RNLS: variants seen among roughly 807,000 people sequenced by gnomAD.
RNLS encodes renalase, FAD dependent amine oxidase.
RNLS carries 39 observed loss-of-function variants against 39.8 expected under a neutral mutation model. The observed-to-expected ratio is 0.98, with a 90% CI of 0.76 to 1.28. RNLS has a LOEUF of 1.28. Among genes scored for constraint, RNLS ranks in the 50% most tolerant of loss-of-function variants. The pLI is 0.00. For synonymous variants in RNLS, 147 were observed against 150.7 expected, an observed-to-expected ratio of 0.98 and a Z score of 0.18; for missense variants, 410 against 413.3, an observed-to-expected ratio of 0.99 and a Z score of 0.07.
intron 4 of RNLS, among the ~76,000 whole-genome samples, chr10:88,473,785 G>A (rs1445072959): frequency 6.6e-6 from 1 of 152,070 alleles, no homozygotes; most frequent in African/African-American, 2.4e-5. Context: ...GCAATTGACA[G>A]GTCAGGGCTC....
intron 4 of RNLS, among the ~76,000 whole-genome samples, chr10:88,435,952 T>C (rs953644003): frequency 6.6e-6 from 1 of 152,128 alleles, no homozygotes; most frequent in Non-Finnish European, 1.5e-5. Context: ...AGGGTATCAA[T>C]GAGTGATCTC....
At chr10:88,553,673 T>G (rs1052891913) in intron 4 of RNLS, among the ~76,000 whole-genome samples, 5 of 152,168 alleles carry the variant, frequency 3.3e-5, no homozygotes, top group African/African-American at 1.2e-4. Context: ...TGTGTTTGAA[T>G]TTTTTCTTTT....
intron 4 of RNLS, among the ~76,000 whole-genome samples, chr10:88,484,601 A>T (rs1844383608): frequency 6.6e-6 from 1 of 152,018 alleles, no homozygotes; most frequent in African/African-American, 2.4e-5. Flanking sequence ...TTATAATGAG[A>T]AGAGTAAGTG....
the RNLS span, among the ~76,000 whole-genome samples, chr10:88,246,639 T>C: frequency 1.3e-5 from 2 of 152,118 alleles, no homozygotes; most frequent in African/African-American, 4.8e-5. Context: ...TCCTTCCCGT[T>C]CCTTTCCCTT....
intron 5 of RNLS, among the ~76,000 whole-genome samples, chr10:88,351,896 G>A (rs1407822097): frequency 6.6e-6 from 1 of 152,142 alleles, no homozygotes; most frequent in Non-Finnish European, 1.5e-5. Flanking sequence ...GTGGTTTGTA[G>A]TTCTCCTTGA....
At position 88,284,468 on chromosome 10, in the gene RNLS, C is replaced by T; in HGVS notation, c.*886G>A. ...GAAGCATGTGGGTGATATGCTGAAC[C>T]ACCAACTTGGCAAATATTGAACTAT... On this transcript the variant is annotated 3_prime_UTR_variant, in exon 7 of 7. Transcript: ENST00000331772. The T allele has an allele frequency of 2.0e-6, 2 of 985,316 alleles. No individual in the cohort carries two copies. Among genetic ancestry groups the T allele is most frequent in the Non-Finnish European group, 2.4e-6 (2 of 829,890 alleles). The allele number at this position is 985,316 out of a possible 1,614,324, so 61.0% of individuals were successfully genotyped here. A position where few individuals can be genotyped will look rare whatever the true frequency, so the allele number is the denominator to read the frequency against.
At chr10:88,329,317 T>C (rs1410538864) in intron 5 of RNLS, among the ~76,000 whole-genome samples, 2 of 152,154 alleles carry the variant, frequency 1.3e-5, no homozygotes, top group African/African-American at 4.8e-5. Flanking sequence ...CTTCCCAAAG[T>C]GCTGGGATGT....
At chr10:88,292,591 A>AAAAAAAC (rs1554851480) in intron 6 of RNLS, among the ~76,000 whole-genome samples, 1 of 149,106 alleles carries the variant, frequency 6.7e-6, no homozygotes, top group Non-Finnish European at 1.5e-5. Context: ...AAAAAAAAAA[A>AAAAAAAC]CCTAGTTGCA....
chr10:88,234,819 A>C, the RNLS span, among the ~76,000 whole-genome samples: 2 of 152,202 alleles, frequency 1.3e-5, no homozygotes, highest in Non-Finnish European at 2.9e-5. Flanking sequence ...CAGCAAGAAA[A>C]TATATCTGCT....
At chr10:88,553,589 A>G (rs1187505035) in intron 4 of RNLS, among the ~76,000 whole-genome samples, 1 of 152,218 alleles carries the variant, frequency 6.6e-6, no homozygotes, top group African/African-American at 2.4e-5. Flanking sequence ...AGTCTCCATG[A>G]GCACACTGCT....
intron 5 of RNLS, among the ~76,000 whole-genome samples, chr10:88,360,594 G>A (rs1849567840): frequency 6.6e-6 from 1 of 152,032 alleles, no homozygotes; most frequent in Non-Finnish European, 1.5e-5. Context: ...TTGTCACCAT[G>A]CCCAGCTAGT....
intron 5 of RNLS, among the ~76,000 whole-genome samples, chr10:88,358,115 C>G (rs777560890): frequency 6.6e-6 from 1 of 152,178 alleles, no homozygotes; most frequent in East Asian, 1.9e-4. Context: ...CTTCCCACTA[C>G]GCCAATCTTA....
chr10:88,248,951 T>C, the RNLS span, among the ~76,000 whole-genome samples: 1 of 152,212 alleles, frequency 6.6e-6, no homozygotes, highest in African/African-American at 2.4e-5. Context: ...TATCTCTCCT[T>C]ATCTGTCTAG....
chr10:88,387,695 CTAG>C (rs1476886562), intron 4 of RNLS, among the ~76,000 whole-genome samples: 1 of 152,138 alleles, frequency 6.6e-6, no homozygotes, highest in Non-Finnish European at 1.5e-5. Flanking sequence ...GGTCACCCAG[CTAG>C]TAAGAAAAAT....
chr10:88,262,091 C>T, the RNLS span, among the ~76,000 whole-genome samples: 2 of 152,040 alleles, frequency 1.3e-5, no homozygotes, highest in African/African-American at 4.8e-5. Flanking sequence ...ACCTTCTGGG[C>T]AGGATTCATG....
the RNLS span, among the ~76,000 whole-genome samples, chr10:88,225,851 G>T: frequency 2.0e-5 from 3 of 151,994 alleles, no homozygotes; most frequent in Non-Finnish European, 4.4e-5. Context: ...GCATAATTTA[G>T]ACTAAAGGAT....
intron 4 of RNLS, among the ~76,000 whole-genome samples, chr10:88,465,606 A>C (rs1193627625): frequency 1.3e-5 from 2 of 152,076 alleles, no homozygotes; most frequent in African/African-American, 4.8e-5. Context: ...CTGGACTCAA[A>C]TGTGGGGTAA....
chr10:88,558,734 T>C (rs1321580723), intron 4 of RNLS, among the ~76,000 whole-genome samples: 1 of 151,978 alleles, frequency 6.6e-6, no homozygotes, highest in Non-Finnish European at 1.5e-5. Context: ...ATTTAGCAAA[T>C]AATAAATTTA....
At chr10:88,332,247 C>T (rs575184875) in intron 5 of RNLS, among the ~76,000 whole-genome samples, 6 of 152,352 alleles carry the variant, frequency 3.9e-5, no homozygotes, top group African/African-American at 1.4e-4. Flanking sequence ...TTGTTACCTC[C>T]AACTTTATCT....
Sources: allele counts gnomAD v4.1 joint callset (sites outside exome capture counted in the v4.1 genomes callset), GRCh38; gene constraint gnomAD v4.1.1; transcripts MANE v1.5; gene names NCBI Gene and HGNC (gene_info 2026-07-23, HGNC 2026-07-21).